Variants in DPY19L4 observed in about 807,000 individuals in gnomAD.
DPY19L4 encodes probable C-mannosyltransferase DPY19L4.
Under a neutral mutation model 102.8 loss-of-function variants are expected in DPY19L4, and 97 were observed. That is an observed-to-expected ratio of 0.94 (90% CI 0.80 to 1.12). The LOEUF is 1.12. DPY19L4 is among the 50% of genes most tolerant of loss of function. DPY19L4 has a pLI of 0.00. For synonymous variants in DPY19L4, 252 were observed against 283.1 expected, an observed-to-expected ratio of 0.89 and a Z score of 1.10; for missense variants, 815 against 850.4, an observed-to-expected ratio of 0.96 and a Z score of 0.52.
intron 1 of DPY19L4, among the ~76,000 whole-genome samples, chr8:94,723,623 A>G (rs1247935395): frequency 6.6e-6 from 1 of 152,188 alleles, no homozygotes; most frequent in East Asian, 1.9e-4. Context: ...ATGAAATTAT[A>G]TGAAAAGTTA....
chr8:94,723,970 G>C (rs1810582023), intron 1 of DPY19L4, among the ~76,000 whole-genome samples: 1 of 152,150 alleles, frequency 6.6e-6, no homozygotes, highest in Admixed American at 6.6e-5. Flanking sequence ...CAAAATGTTT[G>C]TGTAAGTTGT....
intron 6 of DPY19L4, among the ~76,000 whole-genome samples, chr8:94,749,487 C>A (rs1335148608): frequency 1.3e-5 from 2 of 152,172 alleles, no homozygotes; most frequent in African/African-American, 4.8e-5. Flanking sequence ...TGATGCAACC[C>A]CCTAGAGCTG....
In DPY19L4 at chr8:94,750,101, G is replaced by A. The variant is rs148248538; in HGVS notation, c.612-5935G>A. On this transcript the variant is annotated intron_variant, in intron 6 of 18. Coordinates refer to ENST00000414645, the MANE Select transcript of DPY19L4 (RefSeq NM_181787.3). ...CTCTTGAGTAGCTGGGACTACAGCCGTGCACCACCACAGCCAGCTAATTTT... is the reference window on the plus strand; with the variant it reads ...CTCTTGAGTAGCTGGGACTACAGCCATGCACCACCACAGCCAGCTAATTTT... 7.5e-3 allele frequency among the ~76,000 whole-genome samples: 1,146 copies of A among 152,188 alleles called. 6 individuals are homozygous for A. Among genetic ancestry groups the A allele is most frequent in the African/African-American group, 0.022 (905 of 41,502 alleles).
intron 17 of DPY19L4, among the ~76,000 whole-genome samples, chr8:94,787,457 T>C (rs1420880776): frequency 1.3e-5 from 2 of 152,164 alleles, no homozygotes; most frequent in Non-Finnish European, 2.9e-5. Flanking sequence ...AGGAGGCAGC[T>C]ACTGGATATT....
intron 3 of DPY19L4, among the ~76,000 whole-genome samples, chr8:94,737,225 C>T (rs1032453099): frequency 2.6e-5 from 4 of 152,000 alleles, no homozygotes; most frequent in Admixed American, 6.6e-5. Context: ...CACTCCATGT[C>T]CCAAGGCTGC....
intron 6 of DPY19L4, 138 bp downstream of exon 6, chr8:94,739,928 A>G (rs1355992611): frequency 9.9e-6 from 11 of 1,110,454 alleles, no homozygotes; most frequent in Non-Finnish European, 1.4e-5. Context: ...CATTCCCATG[A>G]TTATGATACT....
In DPY19L4 at chr8:94,790,030, C is replaced by G; in HGVS notation, c.*120C>G. The G allele has an allele frequency of 1.0e-6, 1 of 976,122 alleles. No individual in the cohort carries two copies. Among genetic ancestry groups the G allele is most frequent in the Non-Finnish European group, 1.5e-6 (1 of 665,022 alleles). 60.5% of individuals were successfully genotyped at this position (976,122 alleles called of 1,614,324 possible). On this transcript the variant is annotated 3_prime_UTR_variant, in exon 19 of 19. Transcript: ENST00000414645. ...TTGAAATATTGCTGCTTCTTTCCCC[C>G]TTCTGCTGTTAACTGGATCCAGAGT...
At position 94,792,044 on chromosome 8, in the gene DPY19L4, T is replaced by G. The variant is rs1813902736; in HGVS notation, c.*2134T>G. On this transcript the variant is annotated 3_prime_UTR_variant, in exon 19 of 19. Transcript: ENST00000414645. ...ACTTATTTGTAGAGTGAACAAATGA[T>G]TCACAATTCTACAAGTAATTCCACT... 1 of 152,204 alleles carries G rather than the reference T, an allele frequency of 6.6e-6. No individual in the cohort carries two copies. Among genetic ancestry groups the G allele is most frequent in the Non-Finnish European group, 1.5e-5 (1 of 68,034 alleles). The allele number at this position is 152,204 out of a possible 1,614,324, so 9.4% of individuals were successfully genotyped here.
chr8:94,738,209 T>A (rs959020021), intron 3 of DPY19L4, among the ~76,000 whole-genome samples, 160 bp from the exon 4 acceptor site: 9 of 150,362 alleles, frequency 6.0e-5, no homozygotes, highest in African/African-American at 2.0e-4. Flanking sequence ...TCCCAGCTAC[T>A]CGGGAGGCTG....
chr8:94,758,530 A>T (rs1003211431), intron 7 of DPY19L4, among the ~76,000 whole-genome samples: 3 of 152,160 alleles, frequency 2.0e-5, no homozygotes, highest in Non-Finnish European at 4.4e-5. Flanking sequence ...CCTTCCTGTA[A>T]CCCAAACCTC....
chr8:94,742,488 A>G (rs1811488668), intron 6 of DPY19L4, among the ~76,000 whole-genome samples: 1 of 150,106 alleles, frequency 6.7e-6, no homozygotes, highest in African/African-American at 2.5e-5. Flanking sequence ...TGGCTCATGG[A>G]TGCAAGTGAT....
intron 1 of DPY19L4, among the ~76,000 whole-genome samples, chr8:94,724,241 T>C (rs1035943934): frequency 2.0e-5 from 3 of 152,246 alleles, no homozygotes; most frequent in African/African-American, 7.2e-5. Flanking sequence ...TTAATTTGAC[T>C]TCTGAAATTA....
intron 3 of DPY19L4, among the ~76,000 whole-genome samples, chr8:94,737,718 G>A (rs1398519903): frequency 1.3e-5 from 2 of 151,892 alleles, no homozygotes; most frequent in East Asian, 4.0e-4. Context: ...AAGAGGCGGA[G>A]GTTGCAGTGA....
chr8:94,768,455 T>G lies in DPY19L4; in HGVS notation c.1236T>G (p.Phe412Leu), dbSNP rs144957197. 442 of 1,609,126 alleles carry G rather than the reference T, an allele frequency of 2.7e-4. 2 individuals are homozygous for G. In the African/African-American group the frequency reaches 5.5e-3, roughly 20 times the overall value. Residue 412 changes from phenylalanine (F) to leucine (L), a missense_variant, in exon 12 of 19, where the codon TTT becomes TTG. By Grantham distance (22) the Phe-to-Leu change is conservative. Transcript: ENST00000414645. ...QESLQAPSQD[F>L]FLRLTQSSLL... ...CCCTGCAGGCACCATCTCAAGATTT[T>G]TTTCTGCGATTGACACAGTCTTCTT... is the stretch of plus-strand genomic sequence containing the variant.
chr8:94,755,890 A>G lies in DPY19L4; in HGVS notation c.612-146A>G, dbSNP rs1044339051. ...ACAGAGCGAGACTCCATCTCAAAAA[A>G]AAAAAGGACAATGGTGGATCTGGCT... On this transcript the variant is annotated intron_variant, in intron 6 of 18. Coordinates refer to ENST00000414645, the MANE Select transcript of DPY19L4 (RefSeq NM_181787.3). 9 of 816,888 alleles carry G rather than the reference A, an allele frequency of 1.1e-5. No individual in the cohort carries two copies. The African/African-American group carries it at 1.6e-4, about 15-fold the overall frequency. The allele number at this position is 816,888 out of a possible 1,614,324, so 50.6% of individuals were successfully genotyped here.
At chr8:94,786,474 G>C (rs1813657672) in intron 17 of DPY19L4, among the ~76,000 whole-genome samples, 4 of 151,702 alleles carry the variant, frequency 2.6e-5, no homozygotes, top group African/African-American at 9.7e-5. Context: ...ATTTTTTTGA[G>C]ATAGAGTCTC....
intron 1 of DPY19L4, among the ~76,000 whole-genome samples, chr8:94,721,327 G>A (rs1461311157): frequency 6.6e-6 from 1 of 152,238 alleles, no homozygotes; most frequent in African/African-American, 2.4e-5. Flanking sequence ...TTAAGCATAA[G>A]AAGTGTTTAC....
At chr8:94,781,049 T>G (rs1312261177) in intron 15 of DPY19L4, 35 bp from the exon 16 acceptor site, 20 of 1,437,302 alleles carry the variant, frequency 1.4e-5, no homozygotes, top group Non-Finnish European at 1.8e-5. Flanking sequence ...ACATACATCT[T>G]TTGGGGATTT....
chr8:94,732,163 A>T (rs1024969199), intron 2 of DPY19L4, among the ~76,000 whole-genome samples: 5 of 152,194 alleles, frequency 3.3e-5, no homozygotes, highest in Non-Finnish European at 5.9e-5. Context: ...CAACTGCAAC[A>T]TGCTATGCAA....
Sources: allele counts gnomAD v4.1 joint callset (sites outside exome capture counted in the v4.1 genomes callset), GRCh38; gene constraint gnomAD v4.1.1; transcripts MANE v1.5; gene names NCBI Gene and HGNC (gene_info 2026-07-23, HGNC 2026-07-21).